RGS6: variants seen among roughly 807,000 people sequenced by gnomAD.
RGS6 encodes the protein regulator of G protein signaling 6.
In RGS6, 30 loss-of-function variants were observed where a neutral mutation model predicts 78.5. The observed-to-expected ratio is 0.38, with a 90% confidence interval of 0.29 to 0.52. The LOEUF is 0.52. Ranked by LOEUF, RGS6 falls within the 20% of genes least tolerant of loss-of-function variation. The pLI, the probability that RGS6 is intolerant of heterozygous loss-of-function variation, is 0.85. For missense variants in RGS6, 495 were observed against 609.7 expected, an observed-to-expected ratio of 0.81 and a Z score of 1.98; for synonymous variants, 206 against 206.0, an observed-to-expected ratio of 1.00 and a Z score of 0.00.
the RGS6 span, among the ~76,000 whole-genome samples, chr14:71,893,754 G>A: frequency 6.6e-6 from 1 of 152,072 alleles, no homozygotes; most frequent in Non-Finnish European, 1.5e-5. Context: ...ATTTTGGGGT[G>A]GTGTTTTAGC....
At chr14:72,452,509 T>C (rs2095522187) in intron 3 of RGS6, among the ~76,000 whole-genome samples, 1 of 152,238 alleles carries the variant, frequency 6.6e-6, no homozygotes, top group Admixed American at 6.5e-5. Flanking sequence ...CTTTCTGTCC[T>C]GTACCAGTCC....
At chr14:71,916,418 A>G in the RGS6 span, among the ~76,000 whole-genome samples, 1 of 148,398 alleles carries the variant, frequency 6.7e-6, no homozygotes, top group East Asian at 2.2e-4. Context: ...GATGCCCTCA[A>G]GAAATTTTGG....
intron 15 of RGS6, among the ~76,000 whole-genome samples, chr14:72,524,764 A>G (rs1226713918): frequency 6.6e-6 from 1 of 152,234 alleles, no homozygotes; most frequent in Non-Finnish European, 1.5e-5. Flanking sequence ...CTTATCTAAA[A>G]GCACATCATT....
chr14:72,613,816 G>A, the RGS6 span, among the ~76,000 whole-genome samples: 231 of 152,266 alleles, frequency 1.5e-3, no homozygotes, highest in Middle Eastern at 3.4e-3. Flanking sequence ...CCTGGGCTGC[G>A]CACATGGAGG....
At chr14:72,076,952 T>TACATATACAGCCAAATTTTA (rs1567157548) in intron 2 of RGS6, among the ~76,000 whole-genome samples, 1 of 145,490 alleles carries the variant, frequency 6.9e-6, no homozygotes, top group African/African-American at 2.5e-5. Context: ...CAGCCAAATT[T>TACATATACAGCCAAATTTTA]TATATATATA....
At chr14:72,172,708 G>A (rs2097041825) in intron 2 of RGS6, among the ~76,000 whole-genome samples, 1 of 152,150 alleles carries the variant, frequency 6.6e-6, no homozygotes, top group Admixed American at 6.5e-5. Context: ...TGTGCTCAGT[G>A]GATTTTTATT....
intron 2 of RGS6, among the ~76,000 whole-genome samples, chr14:72,341,490 T>C (rs1452791582): frequency 6.6e-6 from 1 of 152,184 alleles, no homozygotes; most frequent in East Asian, 1.9e-4. Context: ...TCAAGTTTCC[T>C]GGAGGAAGTA....
intron 2 of RGS6, among the ~76,000 whole-genome samples, chr14:72,070,773 C>G (rs1452450843): frequency 6.6e-6 from 1 of 152,124 alleles, no homozygotes; most frequent in Non-Finnish European, 1.5e-5. Flanking sequence ...AACCTAGGCT[C>G]AAGTACTCTG....
chr14:72,484,216 T>C (rs1036271615), intron 12 of RGS6, among the ~76,000 whole-genome samples: 7 of 152,254 alleles, frequency 4.6e-5, no homozygotes, highest in Non-Finnish European at 8.8e-5. Flanking sequence ...TCATAATGAA[T>C]GCTTTAGTGC....
At chr14:72,142,947 C>T (rs1477489183) in intron 2 of RGS6, among the ~76,000 whole-genome samples, 1 of 152,138 alleles carries the variant, frequency 6.6e-6, no homozygotes, top group African/African-American at 2.4e-5. Context: ...ATCCTTCCTT[C>T]CCATTTCTCA....
intron 4 of RGS6, among the ~76,000 whole-genome samples, chr14:72,457,342 C>T (rs2095658705): frequency 6.6e-6 from 1 of 152,192 alleles, no homozygotes; most frequent in African/African-American, 2.4e-5. Context: ...TAACAATTTC[C>T]ATGTCCAAAA....
chr14:72,386,888 A>G (rs899779013), intron 3 of RGS6, among the ~76,000 whole-genome samples: 2 of 152,184 alleles, frequency 1.3e-5, no homozygotes, highest in Non-Finnish European at 2.9e-5. Context: ...AAACAGATCA[A>G]TGATTTCCTG....
intron 3 of RGS6, among the ~76,000 whole-genome samples, chr14:72,411,416 T>A (rs912145653): frequency 6.6e-6 from 1 of 152,242 alleles, no homozygotes; most frequent in African/African-American, 2.4e-5. Flanking sequence ...ACATTGAGTT[T>A]GTATCCTGAG....
intron 2 of RGS6, among the ~76,000 whole-genome samples, chr14:71,970,612 T>C (rs2093742757): frequency 6.6e-6 from 1 of 151,806 alleles, no homozygotes; most frequent in African/African-American, 2.4e-5. Flanking sequence ...CAATTGAGAG[T>C]CTGGGGACCT....
At chr14:72,583,952 C>T in the RGS6 span, among the ~76,000 whole-genome samples, 1 of 152,158 alleles carries the variant, frequency 6.6e-6, no homozygotes, top group Admixed American at 6.5e-5. Context: ...CTAATCACCA[C>T]CAATCAAGCC....
chr14:71,993,422 A>G (rs1301785604), intron 2 of RGS6, among the ~76,000 whole-genome samples: 1 of 152,210 alleles, frequency 6.6e-6, no homozygotes, highest in African/African-American at 2.4e-5. Flanking sequence ...AGTAATAATA[A>G]TGAAATGAAT....
chr14:72,130,517 A>C (rs138368901), intron 2 of RGS6, among the ~76,000 whole-genome samples: 1 of 152,308 alleles, frequency 6.6e-6, no homozygotes. Context: ...GCATAAAGAT[A>C]CAGCTCAAAG....
the RGS6 span, among the ~76,000 whole-genome samples, chr14:71,885,850 AAGCTGTTTAATACTAGT>A: frequency 2.0e-5 from 3 of 150,606 alleles, no homozygotes; most frequent in Non-Finnish European, 4.5e-5. Context: ...TACTAGTGGA[AAGCTGTTTAATACTAGT>A]GAGATAAAAT....
intron 3 of RGS6, 92 bp downstream of exon 3, chr14:72,352,286 T>C (rs547410500): frequency 2.5e-6 from 2 of 815,302 alleles, no homozygotes; most frequent in South Asian, 3.5e-5. Context: ...TGAAGATCTG[T>C]GAATAGTAAA....
Sources: gnomAD v4.1 joint callset for allele counts (sites outside exome capture counted in the v4.1 genomes callset) on GRCh38, gnomAD v4.1.1 for gene constraint, MANE v1.5 for transcripts, NCBI Gene and HGNC (gene_info 2026-07-23, HGNC 2026-07-21) for gene names.